Variants in GPHN observed in about 807,000 individuals in gnomAD.
GPHN encodes gephyrin.
GPHN carries 17 observed loss-of-function variants against 95.5 expected under a neutral mutation model. The ratio of observed to expected loss-of-function variants is 0.18; its 90% confidence interval spans 0.12 to 0.27. The LOEUF (loss-of-function observed/expected upper bound fraction) is 0.27, where lower values mean the gene tolerates loss of function less well. Among genes scored for constraint, GPHN ranks in the 10% least tolerant of loss-of-function variants. The probability of loss-of-function intolerance (pLI) is 1.00; values close to 1 mark genes in which losing one functional copy is unlikely to be tolerated. For synonymous variants in GPHN, 320 were observed against 322.5 expected (o/e 0.99, Z 0.08); for missense variants, 660 against 978.1 (o/e 0.67, Z 4.34).
chr14:66,693,973 G>A (rs1287843233), intron 2 of GPHN, among the ~76,000 whole-genome samples: 2 of 152,106 alleles, frequency 1.3e-5, no homozygotes, highest in African/African-American at 2.4e-5. Context: ...GTGGTGATAG[G>A]GGCAGTGTAG....
intron 3 of GPHN, among the ~76,000 whole-genome samples, chr14:66,815,640 C>T (rs2060932345): frequency 6.6e-6 from 1 of 152,176 alleles, no homozygotes. Flanking sequence ...CCAGACCTAC[C>T]TTACAAGAGC....
intron 2 of GPHN, among the ~76,000 whole-genome samples, chr14:66,685,662 A>G (rs8018740): frequency 0.25 from 38,105 of 151,650 alleles, 9,656 homozygotes; most frequent in African/African-American, 0.62. Context: ...TTGTCAGATG[A>G]GTAGATTGCA....
At chr14:67,166,368 C>T (rs1364176256) in intron 20 of GPHN, among the ~76,000 whole-genome samples, 1 of 152,186 alleles carries the variant, frequency 6.6e-6, no homozygotes, top group Admixed American at 6.5e-5. Flanking sequence ...GGAAGAGCCT[C>T]TTTTGTCTAC....
chr14:67,296,462 G>T, the GPHN span, among the ~76,000 whole-genome samples: 1 of 151,552 alleles, frequency 6.6e-6, no homozygotes. Flanking sequence ...TTAGGCGGGT[G>T]TGGTGGTACT....
chr14:66,718,815 G>C (rs1486521711), intron 2 of GPHN, among the ~76,000 whole-genome samples: 1 of 152,176 alleles, frequency 6.6e-6, no homozygotes, highest in Non-Finnish European at 1.5e-5. Flanking sequence ...CCTCTCAGAA[G>C]GACCATCAGG....
chr14:67,389,765 TG>T, the GPHN span, among the ~76,000 whole-genome samples: 6 of 148,700 alleles, frequency 4.0e-5, no homozygotes, highest in Non-Finnish European at 8.9e-5. Context: ...AAAACTAAAG[TG>T]TTTTTTTTCT....
the GPHN span, among the ~76,000 whole-genome samples, chr14:67,485,937 C>T: frequency 6.6e-6 from 1 of 152,238 alleles, no homozygotes; most frequent in Non-Finnish European, 1.5e-5. Context: ...CCCCACCTCC[C>T]AGGGCCCTGG....
chr14:67,138,631 A>G (rs936800708), intron 17 of GPHN, among the ~76,000 whole-genome samples: 2 of 152,170 alleles, frequency 1.3e-5, no homozygotes, highest in Non-Finnish European at 2.9e-5. Context: ...AGCGATGGAT[A>G]CATGGGTGTT....
At chr14:66,800,965 G>T (rs2060328248) in intron 3 of GPHN, among the ~76,000 whole-genome samples, 1 of 152,016 alleles carries the variant, frequency 6.6e-6, no homozygotes, top group South Asian at 2.1e-4. Flanking sequence ...AATCAGTTCT[G>T]CTGTTAAAGG....
At chr14:66,541,945 ATAAT>A (rs1272900195) in intron 1 of GPHN, among the ~76,000 whole-genome samples, 1 of 152,172 alleles carries the variant, frequency 6.6e-6, no homozygotes, top group Non-Finnish European at 1.5e-5. Flanking sequence ...GACACAGATG[ATAAT>A]TAACGTATTG....
the GPHN span, among the ~76,000 whole-genome samples, chr14:67,191,453 A>G: frequency 6.6e-6 from 1 of 152,234 alleles, no homozygotes; most frequent in Non-Finnish European, 1.5e-5. Flanking sequence ...TGAATTAGGC[A>G]GTCAGAAAAG....
At chr14:66,803,100 G>A (rs1239748060) in intron 3 of GPHN, among the ~76,000 whole-genome samples, 1 of 152,136 alleles carries the variant, frequency 6.6e-6, no homozygotes, top group Non-Finnish European at 1.5e-5. Flanking sequence ...GTGCCAGATG[G>A]TGAAGCTTTC....
chr14:67,104,261 C>A (rs1220782717), intron 13 of GPHN, among the ~76,000 whole-genome samples: 2 of 152,152 alleles, frequency 1.3e-5, no homozygotes, highest in African/African-American at 4.8e-5. Flanking sequence ...CTGCTGGATT[C>A]AGTTGCAAGT....
chr14:67,546,761 G>C, the GPHN span, among the ~76,000 whole-genome samples: 3 of 152,194 alleles, frequency 2.0e-5, no homozygotes, highest in Admixed American at 2.0e-4. Context: ...CAGTGACTTA[G>C]AGGCCAAGGT....
chr14:67,576,573 A>T, the GPHN span: 1 of 799,704 alleles, frequency 1.3e-6, no homozygotes, highest in Non-Finnish European at 2.2e-6. This position sits in a 1 kb window ranked among gnomAD's most constrained non-coding sequence, Gnocchi z 4.0. Flanking sequence ...TCAAGATCCC[A>T]AAGAAAGCAG....
chr14:66,876,016 C>T (rs935714560), intron 4 of GPHN, among the ~76,000 whole-genome samples: 2 of 152,130 alleles, frequency 1.3e-5, no homozygotes, highest in African/African-American at 4.8e-5. Context: ...AAACATTCCT[C>T]AGCAAATGCA....
At chr14:67,441,668 C>T in the GPHN span, among the ~76,000 whole-genome samples, 1 of 151,650 alleles carries the variant, frequency 6.6e-6, no homozygotes, top group Admixed American at 6.5e-5. Flanking sequence ...AAGCAGACTG[C>T]CCTCTCCATG....
chr14:67,535,885 C>T, the GPHN span, among the ~76,000 whole-genome samples: 18 of 152,186 alleles, frequency 1.2e-4, no homozygotes, highest in African/African-American at 1.4e-4. Flanking sequence ...GGTTAAATGA[C>T]GGTTTCATAT....
At position 67,070,715 on chromosome 14, in the gene GPHN, A is replaced by AATATATATATATATAT. The variant is rs1555482658; in HGVS notation, c.1144+11943_1144+11944insATATATATATATATAT. ...ATCTCAAAAAAAAAAAAAAAAAAAA[A>AATATATATATATATAT]ATATATATATATATCCAATCAGCAT... is the stretch of plus-strand genomic sequence containing the variant. On this transcript the variant is annotated intron_variant, in intron 11 of 22. Coordinates refer to ENST00000478722, the MANE Select transcript of GPHN (RefSeq NM_020806.5). Among the ~76,000 whole-genome samples, 202 of 80,416 alleles carry AATATATATATATATAT rather than the reference A, an allele frequency of 2.5e-3. 2 individuals are homozygous for AATATATATATATATAT. Among genetic ancestry groups the AATATATATATATATAT allele is most frequent in the African/African-American group, 0.018 (138 of 7,790 alleles). 52.8% of individuals were successfully genotyped at this position (80,416 alleles called of 152,430 possible).
Sources: allele counts gnomAD v4.1 joint callset (sites outside exome capture counted in the v4.1 genomes callset), GRCh38; gene constraint gnomAD v4.1.1; non-coding constraint Gnocchi (gnomAD v3.1); transcripts MANE v1.5; gene names NCBI Gene and HGNC (gene_info 2026-07-23, HGNC 2026-07-21).